The following RAB10 variants were observed in gnomAD, a reference collection of about 807,000 sequenced individuals.
RAB10 encodes the protein RAB10, member RAS oncogene family.
Under a neutral mutation model 25.7 loss-of-function variants are expected in RAB10, and 5 were observed. The observed-to-expected ratio is 0.19, with a 90% CI of 0.10 to 0.41. The LOEUF (loss-of-function observed/expected upper bound fraction) is 0.41. Among genes scored for constraint, RAB10 ranks in the 10% least tolerant of loss-of-function variants. The pLI is 1.00. For missense variants in RAB10, 103 were observed against 245.8 expected, an observed-to-expected ratio of 0.42 and a Z score of 3.89; for synonymous variants, 89 against 86.4, an observed-to-expected ratio of 1.03 and a Z score of -0.16.
chr2:26,034,002 C>T (rs1026801324), upstream of RAB10: 4 of 398,688 alleles, frequency 1.0e-5, no homozygotes, highest in African/African-American at 4.1e-5. Context: ...TCGGCGCGCC[C>T]CCATGCCCTC....
chr2:26,036,961 A>G (rs1283752332), intron 1 of RAB10, among the ~76,000 whole-genome samples: 3 of 151,692 alleles, frequency 2.0e-5, no homozygotes, highest in Non-Finnish European at 4.4e-5. Flanking sequence ...TAATTTCTGT[A>G]TTTTTAGTAG....
chr2:26,048,044 T>G (rs940650140), intron 1 of RAB10, among the ~76,000 whole-genome samples: 9 of 151,876 alleles, frequency 5.9e-5, no homozygotes, highest in African/African-American at 9.7e-5. Context: ...TTAGTTTTTT[T>G]TTTTTTTTTT....
chr2:26,131,790 C>G (rs1028053839), intron 5 of RAB10, among the ~76,000 whole-genome samples: 1 of 152,084 alleles, frequency 6.6e-6, no homozygotes, highest in African/African-American at 2.4e-5. Context: ...AGGTAACATA[C>G]TCCACTGATT....
chr2:26,095,330 G>A (rs530509671), intron 1 of RAB10, among the ~76,000 whole-genome samples: 11 of 152,190 alleles, frequency 7.2e-5, no homozygotes, highest in South Asian at 2.1e-4. Context: ...AGCTCAGGCC[G>A]GGCGCGGTGG....
intron 3 of RAB10, among the ~76,000 whole-genome samples, chr2:26,119,377 C>T (rs1190025610): frequency 6.6e-6 from 1 of 151,982 alleles, no homozygotes; most frequent in Non-Finnish European, 1.5e-5. Context: ...GCAGTGCATT[C>T]CAGCCTGGGT....
At chr2:26,070,679 T>C (rs1472669304) in intron 1 of RAB10, among the ~76,000 whole-genome samples, 1 of 152,244 alleles carries the variant, frequency 6.6e-6, no homozygotes, top group Non-Finnish European at 1.5e-5. Flanking sequence ...TTTGTAATTA[T>C]AGAAACATTT....
At chr2:26,051,887 TCTCTACTAAAAATACAAAAATTAGC>T (rs1666143126) in intron 1 of RAB10, among the ~76,000 whole-genome samples, 1 of 150,068 alleles carries the variant, frequency 6.7e-6, no homozygotes, top group African/African-American at 2.5e-5. Flanking sequence ...TGAAACCCCG[TCTCTACTAAAAATACAAAAATTAGC>T]TGGGCATGGT....
intron 2 of RAB10, among the ~76,000 whole-genome samples, chr2:26,105,532 G>C (rs1178054036): frequency 6.6e-6 from 1 of 152,034 alleles, no homozygotes; most frequent in Non-Finnish European, 1.5e-5. Context: ...GCACACACCT[G>C]TAATCCCAGC....
chr2:26,053,611 G>C (rs13384150), intron 1 of RAB10, among the ~76,000 whole-genome samples: 4,294 of 152,160 alleles, frequency 0.028, 207 homozygotes, highest in African/African-American at 0.099. Flanking sequence ...GTAAATATTC[G>C]TGCTTACAAA....
chr2:26,067,043 A>G (rs1666528702), intron 1 of RAB10, among the ~76,000 whole-genome samples: 1 of 151,922 alleles, frequency 6.6e-6, no homozygotes, highest in South Asian at 2.1e-4. Context: ...CAGCCTCCCA[A>G]AGTGCTGGGA....
intron 1 of RAB10, among the ~76,000 whole-genome samples, chr2:26,095,961 C>T (rs923325346): frequency 6.6e-6 from 1 of 152,164 alleles, no homozygotes; most frequent in Non-Finnish European, 1.5e-5. Flanking sequence ...TTCTCACAGC[C>T]CTGCCACTGC....
Position 26,137,299 on chromosome 2 carries a change from T to G in RAB10, c.*2278T>G, listed in dbSNP as rs1423425061. 3 of 152,688 alleles carry G rather than the reference T, an allele frequency of 2.0e-5. No individual in the cohort carries two copies. The highest frequency in any genetic ancestry group is 4.4e-5 in the Non-Finnish European group (3 of 68,040). The allele number at this position is 152,688 out of a possible 1,614,324, so 9.5% of individuals were successfully genotyped here. A position where few individuals can be genotyped will look rare whatever the true frequency, so the allele number is the denominator to read the frequency against. Reference sequence around the variant, plus strand: ...CTTTTCTGTAAGTCTCTTGGGATCCTGTGTAGAAGCTGTTCTCATTAAACA... The same window carrying G: ...CTTTTCTGTAAGTCTCTTGGGATCCGGTGTAGAAGCTGTTCTCATTAAACA... On this transcript the variant is annotated 3_prime_UTR_variant, in exon 6 of 6. Transcript: ENST00000264710.
At chr2:26,094,947 A>G (rs1667181094) in intron 1 of RAB10, among the ~76,000 whole-genome samples, 1 of 152,186 alleles carries the variant, frequency 6.6e-6, no homozygotes, top group Non-Finnish European at 1.5e-5. Context: ...CAAAATGGGT[A>G]AGTTTTATGT....
intron 2 of RAB10, among the ~76,000 whole-genome samples, chr2:26,103,668 T>G (rs1018017940): frequency 6.6e-6 from 1 of 152,222 alleles, no homozygotes; most frequent in African/African-American, 2.4e-5. Context: ...TTCACAAATT[T>G]GTACAACCAT....
intron 1 of RAB10, among the ~76,000 whole-genome samples, chr2:26,085,729 G>A (rs939053433): frequency 6.6e-6 from 1 of 151,646 alleles, no homozygotes; most frequent in African/African-American, 2.4e-5. Flanking sequence ...GGGCACAGTG[G>A]CTCACACCTG....
intron 3 of RAB10, among the ~76,000 whole-genome samples, chr2:26,118,384 C>T (rs1399135307): frequency 6.6e-6 from 1 of 150,938 alleles, no homozygotes; most frequent in East Asian, 1.9e-4. Flanking sequence ...TGAACACAGC[C>T]CACTGTAGCC....
chr2:26,063,820 A>AAG (rs760116478), intron 1 of RAB10, among the ~76,000 whole-genome samples: 5 of 152,118 alleles, frequency 3.3e-5, no homozygotes, highest in Non-Finnish European at 5.9e-5. Context: ...TTGGAGAGAC[A>AAG]AGAGTCTCAC....
rs534136164 is a variant in RAB10 at position 26,104,398 on chromosome 2, A to C, written c.189-5370A>C. Among the ~76,000 whole-genome samples the C allele has an allele frequency of 4.3e-4, 65 of 152,252 alleles. 2 individuals are homozygous for C. In the South Asian group the frequency reaches 0.013, roughly 30 times the overall value. ...ATCTTCTTTGGATAAATGCCTGTTT[A>C]GATCTTTTGCTGATTTTTAAGTTTG... On this transcript the variant is annotated intron_variant, in intron 2 of 5. Transcript: ENST00000264710.
chr2:26,042,643 C>A (rs1665915949), intron 1 of RAB10: 1 of 151,740 alleles, frequency 6.6e-6, no homozygotes, highest in Non-Finnish European at 1.5e-5. Flanking sequence ...GAGATTCTGT[C>A]TTAAACAAAA....
Sources: gnomAD v4.1 joint callset for allele counts (sites outside exome capture counted in the v4.1 genomes callset) on GRCh38, gnomAD v4.1.1 for gene constraint, MANE v1.5 for transcripts, NCBI Gene and HGNC (gene_info 2026-07-23, HGNC 2026-07-21) for gene names.